Variants in FANCD2OS observed in about 807,000 individuals in gnomAD.
FANCD2OS encodes the protein FANCD2 opposite strand, also known as FANCD2 opposite strand protein.
Under a neutral mutation model 13.2 loss-of-function variants are expected in FANCD2OS, and 11 were observed. The observed-to-expected ratio is 0.83, with a 90% CI of 0.52 to 1.38. The LOEUF is 1.38. Among genes scored for constraint, FANCD2OS ranks in the 40% most tolerant of loss-of-function variants. FANCD2OS has a pLI of 0.00. For missense variants in FANCD2OS, 217 were observed against 213.9 expected (o/e 1.01, Z -0.09); for synonymous variants, 69 against 84.5 (o/e 0.82, Z 1.01).
chr3:10,086,868 G>C lies in FANCD2OS; in HGVS notation c.*44-5337C>G, dbSNP rs537538955. ...ATCTAGGGTTGTACATATTAGCGTG[G>C]TGCTTGGGTTTCTCAGCATACATGA... On this transcript the variant is annotated intron_variant, in intron 2 of 2. Transcript: ENST00000524279. Among the ~76,000 whole-genome samples the C allele has an allele frequency of 4.9e-4, 74 of 152,266 alleles. 1 individual carries two copies. Among genetic ancestry groups the C allele is most frequent in the Non-Finnish European group, 9.7e-4 (66 of 68,016 alleles).
intron 1 of FANCD2OS, among the ~76,000 whole-genome samples, chr3:10,106,999 A>C (rs550128425): frequency 7.9e-5 from 12 of 152,170 alleles, no homozygotes; most frequent in African/African-American, 2.9e-4. Flanking sequence ...TCCAACTAGT[A>C]TGTTTCTCAT....
chr3:10,099,897 T>A (rs575593263), downstream of FANCD2OS, among the ~76,000 whole-genome samples: 6 of 152,078 alleles, frequency 3.9e-5, no homozygotes, highest in African/African-American at 1.4e-4. Flanking sequence ...AGAAAGATCA[T>A]TTAGTATGAA....
chr3:10,090,966 C>T (rs1694569655), intron 2 of FANCD2OS, among the ~76,000 whole-genome samples: 2 of 152,050 alleles, frequency 1.3e-5, no homozygotes, highest in South Asian at 4.2e-4. Context: ...TGAGGTAAGC[C>T]AGCCTGTTTG....
downstream of FANCD2OS, chr3:10,099,085 A>G (rs17032386): frequency 5.7e-3 from 8,797 of 1,538,866 alleles, 436 homozygotes; most frequent in African/African-American, 0.11. Flanking sequence ...CTCATTTTCC[A>G]TGAATTCATA....
chr3:10,099,165 A>AT (rs1695156042), downstream of FANCD2OS: 6 of 1,430,684 alleles, frequency 4.2e-6, no homozygotes, highest in Middle Eastern at 2.6e-4. Flanking sequence ...GAGTTAAACC[A>AT]TTTAAACACA....
intron 2 of FANCD2OS, chr3:10,096,255 A>C: frequency 1.3e-6 from 2 of 1,509,564 alleles, no homozygotes; most frequent in Non-Finnish European, 1.8e-6. Flanking sequence ...CAACATTCAA[A>C]GGTTTCTATA....
intron 2 of FANCD2OS, among the ~76,000 whole-genome samples, chr3:10,081,831 C>T (rs1009714473): frequency 6.6e-6 from 1 of 152,060 alleles, no homozygotes; most frequent in African/African-American, 2.4e-5. Context: ...CAGTGGGACT[C>T]AAGGGAACCC....
At chr3:10,098,707 C>A, downstream of FANCD2OS, 1 of 1,613,946 alleles carries the variant, frequency 6.2e-7, no homozygotes, top group Non-Finnish European at 8.5e-7. Context: ...TTTCTTGGTC[C>A]ATTCACATTT....
chr3:10,089,443 A>G (rs1694447562), intron 2 of FANCD2OS, among the ~76,000 whole-genome samples: 1 of 152,036 alleles, frequency 6.6e-6, no homozygotes, highest in Non-Finnish European at 1.5e-5. Flanking sequence ...CTCAGCTAAT[A>G]TATTTGAGAG....
At chr3:10,099,164 C>G, downstream of FANCD2OS, 1 of 1,430,566 alleles carries the variant, frequency 7.0e-7, no homozygotes, top group African/African-American at 1.4e-5. Context: ...TGAGTTAAAC[C>G]ATTTAAACAC....
At chr3:10,088,795 A>G in intron 2 of FANCD2OS, 1 of 1,612,232 alleles carries the variant, frequency 6.2e-7, no homozygotes, top group Non-Finnish European at 8.5e-7. Flanking sequence ...TACTTTGTTA[A>G]TTAGTGGGTC....
intron 2 of FANCD2OS, chr3:10,087,375 A>T: frequency 9.8e-7 from 1 of 1,016,968 alleles, no homozygotes. Context: ...ATCCCCACAT[A>T]ACCTTGGATA....
At chr3:10,084,078 C>A (rs1694022253) in intron 2 of FANCD2OS, among the ~76,000 whole-genome samples, 1 of 151,668 alleles carries the variant, frequency 6.6e-6, no homozygotes, top group African/African-American at 2.4e-5. Flanking sequence ...ACTATAACCT[C>A]TGCTGCCCGG....
rs1425636479 is a variant in FANCD2OS at position 10,105,766 on chromosome 3, AAAAAATT to A, written c.-8-991_-8-985del. Among the ~76,000 whole-genome samples the A allele has an allele frequency of 5.3e-4, 31 of 58,698 alleles. 2 individuals are homozygous for A. The highest frequency in any genetic ancestry group is 3.5e-3 in the African/African-American group (29 of 8,186). 38.5% of individuals were successfully genotyped at this position (58,698 alleles called of 152,430 possible). On this transcript the variant is annotated intron_variant, in intron 1 of 1. Transcript: ENST00000450660. ...ACTCCATCTAAAAAAAAAAAAAAAAAAAAAATTATATATATATATATATATATATATA... is the reference window on the plus strand; with the variant it reads ...ACTCCATCTAAAAAAAAAAAAAAAAAATATATATATATATATATATATATA...
downstream of FANCD2OS, chr3:10,101,147 A>G (rs769468648): frequency 7.0e-7 from 1 of 1,429,932 alleles, no homozygotes; most frequent in Non-Finnish European, 9.9e-7. Flanking sequence ...CACCCAGAGC[A>G]GTAACCTAAA....
intron 2 of FANCD2OS, among the ~76,000 whole-genome samples, chr3:10,089,346 GCTC>G (rs1221241637): frequency 1.3e-5 from 2 of 151,752 alleles, no homozygotes; most frequent in African/African-American, 2.4e-5. Flanking sequence ...CAACTGCCTT[GCTC>G]CTCCTCATCT....
At chr3:10,101,503 A>T, downstream of FANCD2OS, 2 of 474,946 alleles carry the variant, frequency 4.2e-6, no homozygotes, top group Non-Finnish European at 7.7e-6. Context: ...CTCCTGCCTC[A>T]GCCTCCTGAG....
intron 2 of FANCD2OS, among the ~76,000 whole-genome samples, chr3:10,097,031 C>T (rs1017759198): frequency 1.3e-5 from 2 of 152,066 alleles, no homozygotes; most frequent in South Asian, 2.1e-4. Flanking sequence ...TGATAGGATC[C>T]GTGATGCCCC....
chr3:10,085,484 C>T (rs1694133615), intron 2 of FANCD2OS, among the ~76,000 whole-genome samples: 1 of 151,602 alleles, frequency 6.6e-6, no homozygotes, highest in South Asian at 2.1e-4. Flanking sequence ...CTCCACCTCC[C>T]GAGTTCTAGC....
Sources: allele counts gnomAD v4.1 joint callset (sites outside exome capture counted in the v4.1 genomes callset), GRCh38; gene constraint gnomAD v4.1.1; transcripts MANE v1.5; gene names NCBI Gene and HGNC (gene_info 2026-07-23, HGNC 2026-07-21).